GAB3: variants seen among roughly 807,000 people sequenced by gnomAD.
The protein encoded by GAB3 is GRB2 associated binding protein 3, also known as GRB2-associated-binding protein 3.
A neutral mutation model predicts 40.4 loss-of-function variants in GAB3; 12 were observed. The ratio of observed to expected loss-of-function variants is 0.30; its 90% CI spans 0.19 to 0.48. The LOEUF is 0.48. GAB3 is among the 20% of genes least tolerant of loss of function. The probability of loss-of-function intolerance (pLI) is 0.99; values close to 1 mark genes in which losing one functional copy is unlikely to be tolerated. For missense variants in GAB3, 381 were observed against 461.9 expected (o/e 0.82, Z 1.61); for synonymous variants, 154 against 176.7 (o/e 0.87, Z 1.02).
At chrX:154,737,018 T>C (rs1557260596) in intron 1 of GAB3, among the ~76,000 whole-genome samples, 1 of 112,053 alleles carries the variant, frequency 8.9e-6, no homozygotes, top group Non-Finnish European at 1.9e-5. Context: ...CTCCCATTTG[T>C]GTCTTTCACT....
chrX:154,723,870 T>G (rs2148470435), intron 1 of GAB3, among the ~76,000 whole-genome samples: 1 of 111,447 alleles, frequency 9.0e-6, no homozygotes, highest in East Asian at 2.8e-4. Context: ...GAATTTGAAT[T>G]CCGATTCTAC....
chrX:154,751,291 G>A (rs1230322972), upstream of GAB3, among the ~76,000 whole-genome samples: 6 of 91,529 alleles, frequency 6.6e-5, no homozygotes, highest in African/African-American at 2.7e-4. Context: ...GCCCGGGGGG[G>A]GGGTGTGGGG....
intron 1 of GAB3, among the ~76,000 whole-genome samples, chrX:154,730,881 AT>A (rs1242501387): frequency 8.9e-6 from 1 of 112,120 alleles, no homozygotes; most frequent in Non-Finnish European, 1.9e-5. Context: ...ACTTCCTGTG[AT>A]TGTCCTGAAG....
chrX:154,694,545 C>T (rs1367144452), intron 8 of GAB3, among the ~76,000 whole-genome samples: 9 of 110,811 alleles, frequency 8.1e-5, no homozygotes, highest in African/African-American at 3.0e-4. Context: ...CGCCACCACG[C>T]CTGGCTAATT....
intron 1 of GAB3, among the ~76,000 whole-genome samples, chrX:154,742,015 C>T (rs1039671859): frequency 9.0e-6 from 1 of 111,584 alleles, no homozygotes; most frequent in Non-Finnish European, 1.9e-5. Context: ...AAACACAGAG[C>T]CAAACCATAT....
Position 154,712,135 on chromosome X carries a change from C to T in GAB3, c.1069+94G>A, listed in dbSNP as rs5987014. 2.2e-3 allele frequency: 1,324 copies of T among 606,327 alleles called. 13 individuals carry two copies. The African/African-American group carries it at 0.027, about 12-fold the overall frequency. The allele number at this position is 606,327 out of a possible 1,213,427, so 50.0% of individuals were successfully genotyped here. Reference sequence around the variant, plus strand: ...CAAGGTAATTCTAACCCAGCCCCATCGTTTTGGTCCATTGGCATGACCTCA... The same window carrying T: ...CAAGGTAATTCTAACCCAGCCCCATTGTTTTGGTCCATTGGCATGACCTCA... On this transcript the variant is annotated intron_variant, in intron 4 of 9. Coordinates refer to ENST00000424127, the MANE Select transcript of GAB3 (RefSeq NM_001081573.3).
In GAB3 at chrX:154,751,067, C is replaced by G. The variant is rs782399866; in HGVS notation, c.-42G>C. ...GCTTCCTCCAGCTGGGCCAGCCGCC[C>G]GCGGCAGAAGGAAGTCGGGCCAAGG... is the stretch of plus-strand genomic sequence containing the variant. On this transcript the variant is annotated 5_prime_UTR_variant, in exon 1 of 10. Transcript: ENST00000424127. The G allele has an allele frequency of 2.1e-5, 16 of 774,943 alleles. No homozygotes were observed. Among genetic ancestry groups the G allele is most frequent in the Non-Finnish European group, 2.5e-5 (16 of 653,039 alleles). The allele number at this position is 774,943 out of a possible 1,213,427, so 63.9% of individuals were successfully genotyped here. A position where few individuals can be genotyped will look rare whatever the true frequency, so the allele number is the denominator to read the frequency against.
At chrX:154,704,279 A>G (rs2070776855) in intron 4 of GAB3, among the ~76,000 whole-genome samples, 1 of 110,358 alleles carries the variant, frequency 9.1e-6, no homozygotes, top group African/African-American at 3.3e-5. Flanking sequence ...GCTGTGGGGG[A>G]AGTGGGGATG....
At chrX:154,720,626 C>CA (rs782047643) in intron 1 of GAB3, among the ~76,000 whole-genome samples, 5,097 of 28,926 alleles carry the variant, frequency 0.18, 425 homozygotes, top group Non-Finnish European at 0.26. Context: ...GACTCCGTCT[C>CA]AAAAAAAAAA....
At chrX:154,737,621 C>G (rs2071381636) in intron 1 of GAB3, among the ~76,000 whole-genome samples, 1 of 112,239 alleles carries the variant, frequency 8.9e-6, no homozygotes, top group African/African-American at 3.2e-5. Context: ...ACCAGTCTCA[C>G]TGGCTTGCCC....
chrX:154,683,451 T>C (rs1398401450), intron 8 of GAB3, among the ~76,000 whole-genome samples: 1 of 112,195 alleles, frequency 8.9e-6, no homozygotes, highest in African/African-American at 3.2e-5. Context: ...CAGAGACCTT[T>C]TGTTTTACTC....
chrX:154,689,444 G>T (rs1409182220), intron 8 of GAB3, among the ~76,000 whole-genome samples: 3 of 111,360 alleles, frequency 2.7e-5, no homozygotes, highest in African/African-American at 9.8e-5. Context: ...GGAAATAAAG[G>T]CTATTCAATT....
intron 4 of GAB3, among the ~76,000 whole-genome samples, chrX:154,707,165 C>CAACAAAAAA (rs1342816087): frequency 9.0e-6 from 1 of 111,259 alleles, no homozygotes; most frequent in East Asian, 2.8e-4. Context: ...CCCTCATGAA[C>CAACAAAAAA]ACAGATTTTT....
At chrX:154,697,524 G>T (rs2070679029) in intron 6 of GAB3, among the ~76,000 whole-genome samples, 1 of 111,940 alleles carries the variant, frequency 8.9e-6, no homozygotes, top group African/African-American at 3.3e-5. Context: ...CTGACCTTGT[G>T]GAATTGCAAC....
chrX:154,716,829 GGAGGA>G (rs377173295), intron 1 of GAB3, among the ~76,000 whole-genome samples: 29 of 111,900 alleles, frequency 2.6e-4, no homozygotes, highest in African/African-American at 8.1e-4. Context: ...ACATTGGAGA[GGAGGA>G]GAGAAGATTG....
intron 2 of GAB3, among the ~76,000 whole-genome samples, chrX:154,713,774 T>TATACATATATATAC (rs2070998626): frequency 1.3e-5 from 1 of 79,342 alleles, no homozygotes; most frequent in Non-Finnish European, 2.4e-5. Context: ...TATATATATA[T>TATACATATATATAC]ATATATATAT....
intron 1 of GAB3, among the ~76,000 whole-genome samples, chrX:154,735,152 T>C (rs1557260395): frequency 3.6e-5 from 4 of 112,227 alleles, no homozygotes; most frequent in Non-Finnish European, 7.5e-5. Context: ...GCAAAAATGT[T>C]CAAACATGTG....
At chrX:154,729,570 A>G (rs1450834985) in intron 1 of GAB3, among the ~76,000 whole-genome samples, 1 of 111,704 alleles carries the variant, frequency 9.0e-6, no homozygotes, top group Non-Finnish European at 1.9e-5. Flanking sequence ...GGGTCACCAA[A>G]TGCATGTGGG....
chrX:154,731,665 C>T (rs1354037658), intron 1 of GAB3, among the ~76,000 whole-genome samples: 1 of 111,231 alleles, frequency 9.0e-6, no homozygotes, highest in Admixed American at 9.6e-5. Flanking sequence ...TTCCCCATTG[C>T]CCAAGCTGAG....
Sources: gnomAD v4.1 joint callset for allele counts (sites outside exome capture counted in the v4.1 genomes callset) on GRCh38, gnomAD v4.1.1 for gene constraint, MANE v1.5 for transcripts, NCBI Gene and HGNC (gene_info 2026-07-23, HGNC 2026-07-21) for gene names.